Variants in AP3B1 observed in about 807,000 individuals in gnomAD.
The protein encoded by AP3B1 is adaptor related protein complex 3 subunit beta 1.
In AP3B1, 61 loss-of-function variants were observed where a neutral mutation model predicts 132.5. That is an observed-to-expected ratio of 0.46 (90% CI 0.37 to 0.57). The LOEUF (loss-of-function observed/expected upper bound fraction) is 0.57, where lower values mean the gene tolerates loss of function less well. AP3B1 is among the 20% of genes least tolerant of loss of function. The probability of loss-of-function intolerance (pLI) is 0.00; values close to 1 mark genes in which losing one functional copy is unlikely to be tolerated. For missense variants in AP3B1, 1,120 were observed against 1,289.4 expected (o/e 0.87, Z 2.01); for synonymous variants, 388 against 438.3 (o/e 0.89, Z 1.43).
At chr5:78,113,098 G>C (rs1160146792) in intron 19 of AP3B1, among the ~76,000 whole-genome samples, 1 of 152,226 alleles carries the variant, frequency 6.6e-6, no homozygotes, top group Non-Finnish European at 1.5e-5. Flanking sequence ...CCACGACTGA[G>C]CCGGGCTGCA....
intron 19 of AP3B1, among the ~76,000 whole-genome samples, chr5:78,111,671 C>T (rs1751597446): frequency 6.6e-6 from 1 of 152,120 alleles, no homozygotes; most frequent in Admixed American, 6.6e-5. Context: ...ACCCTTCTCT[C>T]AGGGGATGAC....
intron 7 of AP3B1, among the ~76,000 whole-genome samples, chr5:78,182,158 G>T (rs746060035): frequency 6.6e-6 from 1 of 152,162 alleles, no homozygotes; most frequent in Non-Finnish European, 1.5e-5. Flanking sequence ...TCAAGAAAAC[G>T]TCTCAGTTTG....
intron 6 of AP3B1, among the ~76,000 whole-genome samples, chr5:78,217,706 T>C (rs1210637628): frequency 6.6e-6 from 1 of 152,042 alleles, no homozygotes; most frequent in Non-Finnish European, 1.5e-5. Context: ...CTAGAATAAC[T>C]CATTGTGAGA....
chr5:78,121,270 C>A (rs1396684765), intron 17 of AP3B1, among the ~76,000 whole-genome samples: 1 of 152,002 alleles, frequency 6.6e-6, no homozygotes, highest in Non-Finnish European at 1.5e-5. Context: ...ACCCTAACAT[C>A]ACAATTAAAA....
At chr5:78,072,347 T>C (rs1749574205) in intron 22 of AP3B1, among the ~76,000 whole-genome samples, 1 of 152,206 alleles carries the variant, frequency 6.6e-6, no homozygotes, top group Admixed American at 6.5e-5. Context: ...ATTCCTCTAA[T>C]TTCACCTAAA....
intron 14 of AP3B1, among the ~76,000 whole-genome samples, chr5:78,145,608 A>C (rs1580405599): frequency 6.6e-6 from 1 of 152,060 alleles, no homozygotes; most frequent in Non-Finnish European, 1.5e-5. Flanking sequence ...AATTAACTTC[A>C]CCTCACTGGG....
chr5:78,008,741 G>C (rs1290010077), intron 26 of AP3B1, among the ~76,000 whole-genome samples: 1 of 152,144 alleles, frequency 6.6e-6, no homozygotes, highest in African/African-American at 2.4e-5. Flanking sequence ...AAGGTTGACA[G>C]TAGTATCAGG....
At chr5:78,136,119 T>C (rs548176141) in intron 15 of AP3B1, among the ~76,000 whole-genome samples, 1 of 152,286 alleles carries the variant, frequency 6.6e-6, no homozygotes, top group African/African-American at 2.4e-5. Flanking sequence ...ATACACTTTT[T>C]GTCAGTAACT....
At chr5:78,014,766 T>C (rs772187219) in intron 26 of AP3B1, among the ~76,000 whole-genome samples, 3 of 152,196 alleles carry the variant, frequency 2.0e-5, no homozygotes, top group Non-Finnish European at 2.9e-5. Flanking sequence ...GAGATAATTA[T>C]TTTTATCTTT....
chr5:78,158,435 G>A lies in AP3B1; in HGVS notation c.1364-2068C>T, dbSNP rs531404317. On this transcript the variant is annotated intron_variant, in intron 13 of 26. Transcript: ENST00000255194. ...ATCACAACACTATACTCCAGCCTGG[G>A]TGACAGAGTGAGAAAAGAAAAAACA... Among the ~76,000 whole-genome samples the A allele has an allele frequency of 8.0e-4, 122 of 151,908 alleles. 2 individuals carry two copies. The highest frequency in any genetic ancestry group is 2.5e-4 in the Non-Finnish European group (17 of 67,996).
At chr5:78,142,018 T>A (rs1248320715) in intron 14 of AP3B1, among the ~76,000 whole-genome samples, 1 of 152,208 alleles carries the variant, frequency 6.6e-6, no homozygotes, top group Non-Finnish European at 1.5e-5. Context: ...TTGCTCTTTA[T>A]GTATTAGCAT....
At chr5:78,219,426 A>T (rs1265942954) in intron 6 of AP3B1, among the ~76,000 whole-genome samples, 1 of 152,130 alleles carries the variant, frequency 6.6e-6, no homozygotes, top group Non-Finnish European at 1.5e-5. Context: ...GTAGTAAAGT[A>T]GGAAAGTGTT....
chr5:78,277,644 AAAG>A lies in AP3B1; in HGVS notation c.129-10052_129-10050del, dbSNP rs570633548. 3.2e-4 allele frequency among the ~76,000 whole-genome samples: 48 copies of A among 152,310 alleles called. No individual in the cohort carries two copies. In the East Asian group the frequency reaches 9.1e-3, roughly 29 times the overall value. On this transcript the variant is annotated intron_variant, in intron 1 of 26. Coordinates refer to ENST00000255194, the MANE Select transcript of AP3B1 (RefSeq NM_003664.5). The stretch of plus-strand genomic sequence containing the variant: ...AACAAGCTTGGCTATAAAGAATCCA[AAAG>A]AAGATCTATGAAGGGCCTCTAAAGG...
At chr5:78,141,636 CA>C (rs1753151388) in intron 14 of AP3B1, among the ~76,000 whole-genome samples, 1 of 152,166 alleles carries the variant, frequency 6.6e-6, no homozygotes, top group South Asian at 2.1e-4. Context: ...TTTGTTTCTC[CA>C]TTATCTGTTG....
chr5:78,203,235 C>G (rs1745368898), intron 7 of AP3B1, among the ~76,000 whole-genome samples: 1 of 152,116 alleles, frequency 6.6e-6, no homozygotes. Context: ...AAGAAATACC[C>G]AAGACTGGAT....
intron 22 of AP3B1, among the ~76,000 whole-genome samples, chr5:78,074,780 C>T (rs779706778): frequency 7.2e-5 from 11 of 152,296 alleles, no homozygotes; most frequent in Middle Eastern, 3.4e-3. Context: ...GAAACCCCAT[C>T]TCTACTAAAA....
intron 22 of AP3B1, among the ~76,000 whole-genome samples, chr5:78,055,285 T>G (rs1438256204): frequency 6.6e-6 from 1 of 152,250 alleles, no homozygotes; most frequent in Non-Finnish European, 1.5e-5. Context: ...TTTAACATAT[T>G]AAACATTTTT....
At chr5:78,229,920 T>C (rs1285191847) in intron 3 of AP3B1, among the ~76,000 whole-genome samples, 2 of 152,154 alleles carry the variant, frequency 1.3e-5, no homozygotes, top group East Asian at 3.8e-4. Context: ...TGTCATGACC[T>C]TCCTTCCTTG....
At chr5:78,254,076 C>T (rs926132153) in intron 2 of AP3B1, among the ~76,000 whole-genome samples, 10 of 151,436 alleles carry the variant, frequency 6.6e-5, no homozygotes, top group African/African-American at 2.4e-4. Context: ...AAGAATGCAT[C>T]AGAGTCTCTT....
Sources: allele counts gnomAD v4.1 joint callset (sites outside exome capture counted in the v4.1 genomes callset), GRCh38; gene constraint gnomAD v4.1.1; transcripts MANE v1.5; gene names NCBI Gene and HGNC (gene_info 2026-07-23, HGNC 2026-07-21).